The following RASSF3 variants were observed in gnomAD, a reference collection of about 807,000 sequenced individuals.
RASSF3 encodes the protein ras association domain-containing protein 3.
Under a neutral mutation model 19.9 loss-of-function variants are expected in RASSF3, and 19 were observed. The observed-to-expected ratio is 0.96, with a 90% confidence interval of 0.67 to 1.40. The LOEUF is 1.40. RASSF3 is among the 40% of genes most tolerant of loss of function. The pLI, the probability that RASSF3 is intolerant of heterozygous loss-of-function variation, is 0.00. For synonymous variants in RASSF3, 110 were observed against 104.2 expected (o/e 1.06, Z -0.34); for missense variants, 306 against 289.8 (o/e 1.06, Z -0.41).
intron 1 of RASSF3, among the ~76,000 whole-genome samples, chr12:64,623,740 T>TATGC (rs1870879756): frequency 1.3e-5 from 2 of 152,024 alleles, no homozygotes; most frequent in African/African-American, 4.8e-5. Context: ...CTTCCCAGGT[T>TATGC]CAAGAAATTC....
At chr12:64,538,852 T>G in intron 1 of RASSF3, among the ~76,000 whole-genome samples, 1 of 152,066 alleles carries the variant, frequency 6.6e-6, no homozygotes, top group East Asian at 1.9e-4. Context: ...GAGACCAGCC[T>G]GGGCCAACGG....
chr12:64,576,139 G>T (rs1345072855), intron 2 of RASSF3, among the ~76,000 whole-genome samples: 1 of 152,096 alleles, frequency 6.6e-6, no homozygotes, highest in South Asian at 2.1e-4. Context: ...AAAAATGGGA[G>T]GATTTTTTTC....
At chr12:64,526,551 T>A (rs200858453) in intron 1 of RASSF3, among the ~76,000 whole-genome samples, 43 of 147,520 alleles carry the variant, frequency 2.9e-4, no homozygotes, top group Middle Eastern at 7.0e-3. Flanking sequence ...GTTTTTTTTT[T>A]AAATTTTTTA....
At chr12:64,512,203 C>T (rs1415391425) in intron 1 of RASSF3, among the ~76,000 whole-genome samples, 1 of 152,186 alleles carries the variant, frequency 6.6e-6, no homozygotes, top group Non-Finnish European at 1.5e-5. Flanking sequence ...GGTGTCTTGT[C>T]TATTGGAGGG....
intron 1 of RASSF3, among the ~76,000 whole-genome samples, chr12:64,538,456 G>A (rs1319747487): frequency 6.6e-6 from 1 of 152,070 alleles, no homozygotes; most frequent in African/African-American, 2.4e-5. Flanking sequence ...GGAGGCACAC[G>A]ACTCAGCCCA....
At chr12:64,559,389 G>A (rs145635582) in intron 2 of RASSF3, among the ~76,000 whole-genome samples, 2,711 of 150,406 alleles carry the variant, frequency 0.018, 76 homozygotes, top group African/African-American at 0.063. Flanking sequence ...GACTACAGGC[G>A]CCTGCCACCA....
intron 1 of RASSF3, among the ~76,000 whole-genome samples, chr12:64,681,942 C>T (rs1430512151): frequency 1.3e-5 from 2 of 152,126 alleles, no homozygotes; most frequent in African/African-American, 2.4e-5. Context: ...GAAGTCAAGG[C>T]TGCAGTGAGC....
At chr12:64,587,318 A>G (rs1331614658) in intron 2 of RASSF3, among the ~76,000 whole-genome samples, 2 of 151,944 alleles carry the variant, frequency 1.3e-5, no homozygotes, top group Non-Finnish European at 2.9e-5. Flanking sequence ...CAGCCTCCCA[A>G]AGTGCTGGGA....
chr12:64,693,099 A>G (rs149039950), intron 4 of RASSF3, among the ~76,000 whole-genome samples: 2 of 151,874 alleles, frequency 1.3e-5, no homozygotes, highest in Non-Finnish European at 2.9e-5. Context: ...AAAAATTAAC[A>G]GAATATTCTA....
intron 1 of RASSF3, among the ~76,000 whole-genome samples, chr12:64,667,913 A>G (rs1018801558): frequency 3.3e-5 from 5 of 152,192 alleles, no homozygotes; most frequent in Non-Finnish European, 5.9e-5. Flanking sequence ...CTGAATTAAG[A>G]GGTAAGAAAG....
At chr12:64,631,092 G>A (rs970639766) in intron 1 of RASSF3, among the ~76,000 whole-genome samples, 56 of 152,302 alleles carry the variant, frequency 3.7e-4, no homozygotes, top group African/African-American at 1.3e-3. Context: ...AGCAAAAAAG[G>A]TGTCTTTAGA....
intron 1 of RASSF3, among the ~76,000 whole-genome samples, chr12:64,664,322 A>C (rs1872475926): frequency 6.6e-6 from 1 of 152,202 alleles, no homozygotes; most frequent in Non-Finnish European, 1.5e-5. Flanking sequence ...TTTCAGAAGT[A>C]TTTACCCTAA....
chr12:64,520,234 T>C (rs112936103), intron 1 of RASSF3, among the ~76,000 whole-genome samples: 3,219 of 149,410 alleles, frequency 0.022, 110 homozygotes, highest in African/African-American at 0.076. Flanking sequence ...AGTGGTGCAA[T>C]CTCAGCTCAC....
At chr12:64,682,572 A>G (rs1873176758) in intron 1 of RASSF3, among the ~76,000 whole-genome samples, 1 of 151,840 alleles carries the variant, frequency 6.6e-6, no homozygotes, top group African/African-American at 2.4e-5. Context: ...GTCTCAAAAA[A>G]AAAAAAAAAA....
At chr12:64,658,442 C>T (rs142401572) in intron 1 of RASSF3, among the ~76,000 whole-genome samples, 1 of 152,276 alleles carries the variant, frequency 6.6e-6, no homozygotes, top group Non-Finnish European at 1.5e-5. Flanking sequence ...AATACAAACA[C>T]AATGTTTTTG....
intron 1 of RASSF3, among the ~76,000 whole-genome samples, chr12:64,669,299 A>C (rs1872622964): frequency 6.6e-6 from 1 of 152,164 alleles, no homozygotes. Flanking sequence ...AAACCTTCAC[A>C]TTATTGTGTA....
intron 1 of RASSF3, among the ~76,000 whole-genome samples, chr12:64,615,336 G>A (rs932179334): frequency 4.6e-5 from 7 of 152,138 alleles, no homozygotes; most frequent in African/African-American, 1.4e-4. Flanking sequence ...AAATGAGACA[G>A]TATTTTTGCT....
At chr12:64,531,835 C>T (rs1868714728), upstream of RASSF3, among the ~76,000 whole-genome samples, 1 of 152,186 alleles carries the variant, frequency 6.6e-6, no homozygotes, top group Non-Finnish European at 1.5e-5. Flanking sequence ...ACCCAGATCA[C>T]AGGGCTGGTA....
intron 1 of RASSF3, among the ~76,000 whole-genome samples, chr12:64,508,696 C>T (rs1249306058): frequency 1.3e-5 from 2 of 151,944 alleles, no homozygotes; most frequent in Non-Finnish European, 2.9e-5. Context: ...ACCAGCCTGA[C>T]CAACATGGAG....
Sources: allele counts gnomAD v4.1 joint callset (sites outside exome capture counted in the v4.1 genomes callset), GRCh38; gene constraint gnomAD v4.1.1; transcripts MANE v1.5; gene names NCBI Gene and HGNC (gene_info 2026-07-23, HGNC 2026-07-21).